GFRAL: variants seen among roughly 807,000 people sequenced by gnomAD.
GFRAL encodes the protein GDNF family receptor alpha like, also known as GDNF family receptor alpha-like.
In GFRAL, 36 loss-of-function variants were observed where a neutral mutation model predicts 45.4. The observed-to-expected ratio is 0.79, with a 90% CI of 0.61 to 1.05. The LOEUF (loss-of-function observed/expected upper bound fraction) is 1.05, where lower values mean the gene tolerates loss of function less well. GFRAL is among the 50% of genes least tolerant of loss of function. GFRAL has a pLI of 0.00. For synonymous variants in GFRAL, 166 were observed against 154.1 expected (o/e 1.08, Z -0.57); for missense variants, 507 against 467.5 (o/e 1.08, Z -0.78).
intron 6 of GFRAL, among the ~76,000 whole-genome samples, chr6:55,379,417 C>T (rs1768576320): frequency 6.6e-6 from 1 of 151,936 alleles, no homozygotes; most frequent in South Asian, 2.1e-4. Context: ...AACCATTAGG[C>T]TTCTTTTATT....
At chr6:55,387,893 T>C (rs1768699800) in intron 6 of GFRAL, among the ~76,000 whole-genome samples, 1 of 152,198 alleles carries the variant, frequency 6.6e-6, no homozygotes, top group Non-Finnish European at 1.5e-5. Flanking sequence ...CCATTACTCT[T>C]TGGAAAGCAT....
At chr6:55,400,866 C>G (rs1470922890) in intron 8 of GFRAL, among the ~76,000 whole-genome samples, 2 of 152,124 alleles carry the variant, frequency 1.3e-5, no homozygotes, top group Non-Finnish European at 2.9e-5. Flanking sequence ...ATTGTTACAA[C>G]AAAATATGGA....
At chr6:55,372,341 G>A (rs142650833) in intron 6 of GFRAL, among the ~76,000 whole-genome samples, 5 of 152,186 alleles carry the variant, frequency 3.3e-5, no homozygotes, top group African/African-American at 1.2e-4. Flanking sequence ...CAATCTTCAA[G>A]GAGACCTCTT....
chr6:55,352,099 A>G (rs965842689), intron 5 of GFRAL, among the ~76,000 whole-genome samples: 3 of 152,042 alleles, frequency 2.0e-5, no homozygotes, highest in Non-Finnish European at 2.9e-5. Flanking sequence ...TCTTTTCACA[A>G]TGTCAGGCTT....
At chr6:55,364,890 T>C (rs1768337704) in intron 6 of GFRAL, among the ~76,000 whole-genome samples, 1 of 152,156 alleles carries the variant, frequency 6.6e-6, no homozygotes, top group African/African-American at 2.4e-5. Context: ...CCAGCTTTGT[T>C]CTTTTGGCTG....
chr6:55,390,095 C>T (rs556266781), intron 6 of GFRAL, among the ~76,000 whole-genome samples: 101 of 152,356 alleles, frequency 6.6e-4, no homozygotes, highest in South Asian at 1.4e-3. Flanking sequence ...TGTTCTTCAA[C>T]GCTCTCCTGA....
chr6:55,328,502 T>C (rs1484304452), intron 1 of GFRAL, among the ~76,000 whole-genome samples: 1 of 151,942 alleles, frequency 6.6e-6, no homozygotes, highest in Non-Finnish European at 1.5e-5. Flanking sequence ...AAATCCCTTA[T>C]ATTTTCAGTT....
chr6:55,390,623 C>T (rs1005576491), intron 6 of GFRAL, among the ~76,000 whole-genome samples: 3 of 152,108 alleles, frequency 2.0e-5, no homozygotes, highest in Non-Finnish European at 2.9e-5. Flanking sequence ...GGCGTGGTGG[C>T]TCACACCTGT....
intron 3 of GFRAL, among the ~76,000 whole-genome samples, chr6:55,345,307 T>TAC: frequency 2.0e-5 from 3 of 152,184 alleles, no homozygotes; most frequent in Non-Finnish European, 2.9e-5. Context: ...TACAAGGCAG[T>TAC]AGTAACCAAA....
intron 6 of GFRAL, among the ~76,000 whole-genome samples, chr6:55,390,918 A>G (rs796582002): frequency 2.0e-5 from 3 of 147,552 alleles, no homozygotes; most frequent in African/African-American, 7.7e-5. Flanking sequence ...ACACACACAC[A>G]CACACACACA....
chr6:55,391,449 A>G (rs986941144), intron 6 of GFRAL, among the ~76,000 whole-genome samples: 5 of 152,204 alleles, frequency 3.3e-5, no homozygotes, highest in African/African-American at 9.6e-5. Context: ...GGTAGGCATC[A>G]TATCACTTTA....
At chr6:55,329,618 C>T (rs536962212) in intron 1 of GFRAL, among the ~76,000 whole-genome samples, 1 of 152,112 alleles carries the variant, frequency 6.6e-6, no homozygotes, top group South Asian at 2.1e-4. Flanking sequence ...TTTCTTTGGG[C>T]TAGCCAAATA....
chr6:55,389,725 C>T (rs1446478651), intron 6 of GFRAL, among the ~76,000 whole-genome samples: 1 of 152,170 alleles, frequency 6.6e-6, no homozygotes, highest in Non-Finnish European at 1.5e-5. Context: ...CCTCACTCCA[C>T]TCTATTATCT....
chr6:55,400,028 G>C (rs1007265094), intron 8 of GFRAL, among the ~76,000 whole-genome samples: 1 of 152,040 alleles, frequency 6.6e-6, no homozygotes, highest in East Asian at 1.9e-4. Context: ...TGCTCCAGCA[G>C]GCATGTGAGA....
At chr6:55,371,789 A>G (rs888273698) in intron 6 of GFRAL, among the ~76,000 whole-genome samples, 5 of 152,240 alleles carry the variant, frequency 3.3e-5, no homozygotes, top group African/African-American at 1.2e-4. Flanking sequence ...TATCAGAAAT[A>G]GAACTAAAGT....
chr6:55,332,281 G>A (rs116461003), intron 2 of GFRAL, among the ~76,000 whole-genome samples: 1,985 of 152,180 alleles, frequency 0.013, 23 homozygotes, highest in Non-Finnish European at 0.022. Context: ...AAACATATAT[G>A]CGGTATTTCC....
chr6:55,353,548 G>A (rs1358990372), intron 5 of GFRAL, among the ~76,000 whole-genome samples: 1 of 151,868 alleles, frequency 6.6e-6, no homozygotes, highest in East Asian at 1.9e-4. Flanking sequence ...TTATTTTAAG[G>A]CTTATTATTT....
chr6:55,360,203 C>G (rs1036430583), intron 6 of GFRAL, among the ~76,000 whole-genome samples: 17 of 151,748 alleles, frequency 1.1e-4, no homozygotes, highest in Non-Finnish European at 1.5e-4. Flanking sequence ...CTCTATTATC[C>G]ATCTTCAGGG....
At chr6:55,331,141 C>A (rs1767823207) in intron 1 of GFRAL, among the ~76,000 whole-genome samples, 1 of 152,026 alleles carries the variant, frequency 6.6e-6, no homozygotes, top group Non-Finnish European at 1.5e-5. Flanking sequence ...CATTTTAGTT[C>A]AAACCATAAG....
Sources: gnomAD v4.1 joint callset for allele counts (sites outside exome capture counted in the v4.1 genomes callset) on GRCh38, gnomAD v4.1.1 for gene constraint, MANE v1.5 for transcripts, NCBI Gene and HGNC (gene_info 2026-07-23, HGNC 2026-07-21) for gene names.